SESTD1: variants seen among roughly 807,000 people sequenced by gnomAD.
The protein encoded by SESTD1 is SEC14 and spectrin domain containing 1.
In SESTD1, 43 loss-of-function variants were observed where a neutral mutation model predicts 101.7. The ratio of observed to expected loss-of-function variants is 0.42; its 90% CI spans 0.33 to 0.55. The LOEUF (loss-of-function observed/expected upper bound fraction) is 0.55, where lower values mean the gene tolerates loss of function less well. Ranked by LOEUF, SESTD1 falls within the 20% of genes least tolerant of loss-of-function variation. The pLI is 0.07. For synonymous variants in SESTD1, 283 were observed against 286.8 expected, an observed-to-expected ratio of 0.99 and a Z score of 0.13; for missense variants, 647 against 815.1, an observed-to-expected ratio of 0.79 and a Z score of 2.51.
intron 1 of SESTD1, among the ~76,000 whole-genome samples, chr2:179,256,014 G>A (rs1215012880): frequency 2.0e-5 from 3 of 151,252 alleles, no homozygotes; most frequent in African/African-American, 7.3e-5. Context: ...AAGACCTGCT[G>A]CTCAGACAAA....
intron 15 of SESTD1, chr2:179,116,442 C>T: frequency 1.7e-6 from 1 of 597,426 alleles, no homozygotes; most frequent in Non-Finnish European, 2.9e-6. Flanking sequence ...TAATACATAG[C>T]ATAAATCAGA....
At chr2:179,165,727 T>C (rs1470058071) in intron 5 of SESTD1, among the ~76,000 whole-genome samples, 1 of 152,216 alleles carries the variant, frequency 6.6e-6, no homozygotes, top group East Asian at 1.9e-4. Context: ...CCCTTCCTAA[T>C]GTGATCCAGC....
At chr2:179,166,638 A>G (rs1353565291) in intron 5 of SESTD1, among the ~76,000 whole-genome samples, 1 of 152,222 alleles carries the variant, frequency 6.6e-6, no homozygotes, top group Non-Finnish European at 1.5e-5. Flanking sequence ...CAAATACTGA[A>G]TAACAAGGAA....
chr2:179,231,008 AACATATAGAAAGCAAGGCCACATT>A (rs2046979152), intron 1 of SESTD1, among the ~76,000 whole-genome samples: 1 of 152,196 alleles, frequency 6.6e-6, no homozygotes, highest in African/African-American at 2.4e-5. Flanking sequence ...AAAACAACAA[AACATATAGAAAGCAAGGCCACATT>A]ATAAAAAGGG....
chr2:179,141,524 G>A (rs1454058141), intron 9 of SESTD1, among the ~76,000 whole-genome samples: 2 of 150,552 alleles, frequency 1.3e-5, no homozygotes, highest in African/African-American at 2.4e-5. Context: ...TTTTTTGAAT[G>A]GATGAACTAA....
chr2:179,125,359 A>G (rs931123904), intron 10 of SESTD1, among the ~76,000 whole-genome samples: 4 of 152,166 alleles, frequency 2.6e-5, no homozygotes, highest in African/African-American at 9.7e-5. Context: ...ATCAAAGGCT[A>G]TAACCACCTC....
At chr2:179,206,574 G>C (rs1207269767) in intron 1 of SESTD1, among the ~76,000 whole-genome samples, 1 of 135,620 alleles carries the variant, frequency 7.4e-6, no homozygotes, top group East Asian at 2.0e-4. Context: ...GGGAAGGTAA[G>C]GCAGCTGGTG....
chr2:179,126,969 G>A (rs892399336), intron 10 of SESTD1, among the ~76,000 whole-genome samples: 2 of 152,102 alleles, frequency 1.3e-5, no homozygotes, highest in Non-Finnish European at 2.9e-5. Flanking sequence ...GCTAGTCTCT[G>A]TTCCCTATTT....
At chr2:179,115,566 A>T (rs2044611103) in intron 15 of SESTD1, among the ~76,000 whole-genome samples, 1 of 150,818 alleles carries the variant, frequency 6.6e-6, no homozygotes, top group Non-Finnish European at 1.5e-5. Flanking sequence ...TGGCCAACAT[A>T]GCAAGATCCT....
rs1426967377 is a variant in SESTD1 at position 179,102,223 on chromosome 2, A to G, written c.*7676T>C. ...CCTGTGGGAAGGGATTGTTGGGGTC[A>G]CGGGAGAGGGAAGCAGAAGCCTCTG... On this transcript the variant is annotated 3_prime_UTR_variant, in exon 18 of 18. Coordinates refer to ENST00000428443, the MANE Select transcript of SESTD1 (RefSeq NM_178123.5). The G allele has an allele frequency of 6.6e-6, 1 of 152,152 alleles. No homozygotes were observed. Among genetic ancestry groups the G allele is most frequent in the East Asian group, 1.9e-4 (1 of 5,188 alleles). 9.4% of individuals were successfully genotyped at this position (152,152 alleles called of 1,614,324 possible). A position where few individuals can be genotyped will look rare whatever the true frequency, so the allele number is the denominator to read the frequency against.
In SESTD1 at chr2:179,105,076, G is replaced by A. The variant is rs1455708303; in HGVS notation, c.*4823C>T. On this transcript the variant is annotated 3_prime_UTR_variant, in exon 18 of 18. Coordinates refer to ENST00000428443, the MANE Select transcript of SESTD1 (RefSeq NM_178123.5). ...GTTCTATGCCTCTATTACAGTATCA[G>A]TCGGCCATTTTCTGTTCATCATCAC... 1 of 151,940 alleles carries A rather than the reference G, an allele frequency of 6.6e-6. No individual in the cohort carries two copies. Among genetic ancestry groups the A allele is most frequent in the Non-Finnish European group, 1.5e-5 (1 of 68,018 alleles). 9.4% of individuals were successfully genotyped at this position (151,940 alleles called of 1,614,324 possible).
In SESTD1 at chr2:179,151,307, C is replaced by T; in HGVS notation, c.454G>A (p.Asp152Asn). 1 of 1,607,144 alleles carries T rather than the reference C, an allele frequency of 6.2e-7. No individual in the cohort carries two copies. The highest frequency in any genetic ancestry group is 1.1e-5 in the South Asian group (1 of 89,384). ...CTCTTATTTAACCAGTCCATGTGATCATAGGTGAGACTCCCACCAAAATCT... is the reference window on the plus strand; with the variant it reads ...CTCTTATTTAACCAGTCCATGTGATTATAGGTGAGACTCCCACCAAAATCT... ...TEDFGGSLTYDHMDWLNKRLV... is the reference protein window; with the variant it reads ...TEDFGGSLTYNHMDWLNKRLV... Residue 152 changes from aspartate (D) to asparagine (N), a missense_variant, in exon 6 of 18, where the codon GAT becomes AAT. By Grantham distance (23) the Asp-to-Asn change is conservative. Coordinates refer to ENST00000428443, the MANE Select transcript of SESTD1 (RefSeq NM_178123.5).
At chr2:179,127,985 C>T (rs1280560774) in intron 10 of SESTD1, among the ~76,000 whole-genome samples, 2 of 152,156 alleles carry the variant, frequency 1.3e-5, no homozygotes, top group Non-Finnish European at 2.9e-5. Flanking sequence ...GTAATAGCAA[C>T]GATTCTGAGA....
rs761787545 is a variant in SESTD1 at position 179,123,755 on chromosome 2, C to T, written c.1242G>A (p.Gln414=). The T allele has an allele frequency of 2.5e-6, 4 of 1,613,592 alleles. No homozygotes were observed. The highest frequency in any genetic ancestry group is 2.2e-5 in the East Asian group (1 of 44,848). ...TCTCTTCAAGCAGTTTTAAAGTTTGCTGAATCGATGCTCCATCAGCTGGTG... is the reference window on the plus strand; with the variant it reads ...TCTCTTCAAGCAGTTTTAAAGTTTGTTGAATCGATGCTCCATCAGCTGGTG... ...DVAPADGASI[Q]QTLKLLEEKL... The change falls in exon 12 of 18, where the codon CAG becomes CAA. Residue 414 remains glutamine (Q), a synonymous_variant. Transcript: ENST00000428443.
chr2:179,110,362 G>C (rs920668014), intron 17 of SESTD1, among the ~76,000 whole-genome samples: 94 of 152,212 alleles, frequency 6.2e-4, no homozygotes, highest in African/African-American at 2.0e-3. Context: ...ATTTATACAG[G>C]TACTTGAGTG....
rs1054641131 is a variant in SESTD1 at position 179,215,932 on chromosome 2, A to G, written c.-25-24066T>C. On this transcript the variant is annotated intron_variant, in intron 1 of 17. Transcript: ENST00000428443. Reference sequence around the variant, plus strand: ...AGATGCAGAAAAGGCCTTCAATAAAATTCAGTAGCCCTTTATGCTAAAAAC... The same window carrying G: ...AGATGCAGAAAAGGCCTTCAATAAAGTTCAGTAGCCCTTTATGCTAAAAAC... Among the ~76,000 whole-genome samples the G allele has an allele frequency of 3.7e-5, 5 of 135,492 alleles. 1 individual carries two copies. The South Asian group carries it at 1.4e-3, about 38-fold the overall frequency. 88.9% of individuals were successfully genotyped at this position (135,492 alleles called of 152,430 possible).
chr2:179,163,814 C>T (rs1475617375), intron 5 of SESTD1, among the ~76,000 whole-genome samples: 2 of 152,056 alleles, frequency 1.3e-5, no homozygotes, highest in Non-Finnish European at 2.9e-5. Flanking sequence ...AGGTATTTAC[C>T]ATATGGTCTT....
intron 8 of SESTD1, among the ~76,000 whole-genome samples, chr2:179,144,955 T>C (rs1203906345): frequency 6.6e-6 from 1 of 152,076 alleles, no homozygotes. Context: ...TGACAGTCTA[T>C]TGTACCTGCT....
chr2:179,250,744 T>C (rs1406047014), intron 1 of SESTD1, among the ~76,000 whole-genome samples: 1 of 152,210 alleles, frequency 6.6e-6, no homozygotes, highest in Admixed American at 6.5e-5. Flanking sequence ...TCTGAGGTAC[T>C]AGGGGTTAGA....
Sources: gnomAD v4.1 joint callset for allele counts (sites outside exome capture counted in the v4.1 genomes callset) on GRCh38, gnomAD v4.1.1 for gene constraint, MANE v1.5 for transcripts, NCBI Gene and HGNC (gene_info 2026-07-23, HGNC 2026-07-21) for gene names.